MEI4: variants seen among roughly 807,000 people sequenced by gnomAD.
MEI4 encodes meiotic double-stranded break formation protein 4.
MEI4 carries 27 observed loss-of-function variants against 31.4 expected under a neutral mutation model. The observed-to-expected ratio is 0.86, with a 90% CI of 0.63 to 1.19. The LOEUF is 1.19. Among genes scored for constraint, MEI4 ranks in the 50% most tolerant of loss-of-function variants. The pLI, the probability that MEI4 is intolerant of heterozygous loss-of-function variation, is 0.00. For synonymous variants in MEI4, 122 were observed against 145.4 expected (o/e 0.84, Z 1.16); for missense variants, 329 against 398.9 (o/e 0.82, Z 1.49).
At chr6:77,883,495 A>C (rs1267819518) in intron 4 of MEI4, among the ~76,000 whole-genome samples, 1 of 150,692 alleles carries the variant, frequency 6.6e-6, no homozygotes, top group Non-Finnish European at 1.5e-5. Context: ...TCTAATCTCT[A>C]CCCTCATGAG....
intron 2 of MEI4, among the ~76,000 whole-genome samples, chr6:77,746,228 G>A (rs547363602): frequency 6.6e-6 from 1 of 152,268 alleles, no homozygotes; most frequent in African/African-American, 2.4e-5. Context: ...CCGCTAGCAA[G>A]ACTAATAAAG....
rs190917552 is a variant in MEI4 at position 77,776,986 on chromosome 6, A to G, written c.768+15321A>G. Reference sequence around the variant, plus strand: ...TCCAGGTGAGAGTGGATAGTGGCTTATTTTGGTGCTGTAAGTAGAAATGGA... The same window carrying G: ...TCCAGGTGAGAGTGGATAGTGGCTTGTTTTGGTGCTGTAAGTAGAAATGGA... On this transcript the variant is annotated intron_variant, in intron 3 of 4. Transcript: ENST00000684080. Among the ~76,000 whole-genome samples, 440 of 152,292 alleles carry G rather than the reference A, an allele frequency of 2.9e-3. 5 individuals are homozygous for G. The highest frequency in any genetic ancestry group is 0.024 in the Middle Eastern group (7 of 294).
chr6:77,742,008 C>A (rs1378171393), intron 2 of MEI4, among the ~76,000 whole-genome samples: 1 of 151,896 alleles, frequency 6.6e-6, no homozygotes, highest in Non-Finnish European at 1.5e-5. Flanking sequence ...TTTTCTTGAT[C>A]CAGTCTATCA....
chr6:77,657,239 C>T (rs1768413328), intron 1 of MEI4, among the ~76,000 whole-genome samples: 1 of 152,110 alleles, frequency 6.6e-6, no homozygotes, highest in Non-Finnish European at 1.5e-5. Context: ...GATTAAAAAG[C>T]TGAAGTTCAG....
chr6:77,843,669 G>T (rs1770414821), intron 4 of MEI4, among the ~76,000 whole-genome samples: 1 of 152,006 alleles, frequency 6.6e-6, no homozygotes, highest in African/African-American at 2.4e-5. Context: ...CATAAATCAT[G>T]ATATACTTGT....
chr6:77,865,065 A>G (rs1260648283), intron 4 of MEI4, among the ~76,000 whole-genome samples: 7 of 152,134 alleles, frequency 4.6e-5, no homozygotes, highest in South Asian at 2.1e-4. Flanking sequence ...CAGAATCTCT[A>G]GGACACATTC....
chr6:77,839,461 A>G (rs541151226), intron 4 of MEI4, among the ~76,000 whole-genome samples: 4 of 152,238 alleles, frequency 2.6e-5, no homozygotes, highest in East Asian at 3.9e-4. Flanking sequence ...CCTTAATTCT[A>G]TGTAGGAAGG....
chr6:77,868,729 A>C (rs1771124775), intron 4 of MEI4, among the ~76,000 whole-genome samples: 2 of 151,812 alleles, frequency 1.3e-5, no homozygotes, highest in Non-Finnish European at 2.9e-5. Flanking sequence ...TTTAAAAAGA[A>C]AGAGAAAGCT....
intron 3 of MEI4, among the ~76,000 whole-genome samples, chr6:77,825,607 C>A (rs73461123): frequency 2.0e-5 from 3 of 152,038 alleles, no homozygotes; most frequent in Non-Finnish European, 2.9e-5. Flanking sequence ...TAGCTTAAAT[C>A]GGGATAAGTG....
At chr6:77,768,058 T>C (rs1049834648) in intron 3 of MEI4, among the ~76,000 whole-genome samples, 25 of 152,198 alleles carry the variant, frequency 1.6e-4, no homozygotes, top group Admixed American at 5.2e-4. Flanking sequence ...CAACTCTGTG[T>C]CATGGTTGTT....
rs572695247 is a variant in MEI4, at chr6:77,741,858, G to C, written c.233-19272G>C. Among the ~76,000 whole-genome samples the C allele has an allele frequency of 1.4e-3, 204 of 146,052 alleles. 1 individual carries two copies. The highest frequency in any genetic ancestry group is 4.5e-3 in the African/African-American group (179 of 39,384). On this transcript the variant is annotated intron_variant, in intron 2 of 4. Transcript: ENST00000684080. ...TTGTTCAATTCCCACCTATGAGTGAGAACATGCGGTGTTTGGTTTTTTGTC... is the reference window on the plus strand; with the variant it reads ...TTGTTCAATTCCCACCTATGAGTGACAACATGCGGTGTTTGGTTTTTTGTC...
chr6:77,713,939 A>T lies in MEI4; in HGVS notation c.232+23036A>T, dbSNP rs147009516. Among the ~76,000 whole-genome samples, 213 of 152,202 alleles carry T rather than the reference A, an allele frequency of 1.4e-3. 1 individual carries two copies. The highest frequency in any genetic ancestry group is 4.5e-3 in the African/African-American group (187 of 41,538). On this transcript the variant is annotated intron_variant, in intron 2 of 4. Coordinates refer to ENST00000684080, the MANE Select transcript of MEI4 (RefSeq NM_001322247.2). ...CTGTCACAGTTAAGATCATGTCTTA[A>T]GTGTTCCCATCATTTAGCTCCTACT...
chr6:77,699,117 A>G, intron 2 of MEI4, among the ~76,000 whole-genome samples: 1 of 151,342 alleles, frequency 6.6e-6, no homozygotes, highest in East Asian at 1.9e-4. Context: ...CTTCAGCTCC[A>G]TTAGCTCCTT....
At chr6:77,869,354 G>A (rs1220246323) in intron 4 of MEI4, among the ~76,000 whole-genome samples, 1 of 152,072 alleles carries the variant, frequency 6.6e-6, no homozygotes. Context: ...TATAGAATGT[G>A]ATCATATTTA....
chr6:77,799,152 C>T (rs374193341), intron 3 of MEI4, among the ~76,000 whole-genome samples: 3 of 152,054 alleles, frequency 2.0e-5, no homozygotes, highest in Non-Finnish European at 4.4e-5. Flanking sequence ...TCTCCAGCAC[C>T]TGTTGTTTCC....
chr6:77,748,267 C>G (rs1350377130), intron 2 of MEI4, among the ~76,000 whole-genome samples: 1 of 152,342 alleles, frequency 6.6e-6, no homozygotes, highest in South Asian at 2.1e-4. Flanking sequence ...AGGCCTCTCC[C>G]CCTGCAGCAG....
chr6:77,873,825 C>T (rs1323138344), intron 4 of MEI4, among the ~76,000 whole-genome samples: 1 of 152,162 alleles, frequency 6.6e-6, no homozygotes, highest in African/African-American at 2.4e-5. Flanking sequence ...CTACATATGG[C>T]TAGCCAGTTT....
chr6:77,903,080 A>G (rs558813621), intron 4 of MEI4, among the ~76,000 whole-genome samples: 2 of 152,188 alleles, frequency 1.3e-5, no homozygotes, highest in East Asian at 3.9e-4. Flanking sequence ...ATAAGATTAT[A>G]TTGTCTACAA....
At chr6:77,747,500 C>A (rs916021577) in intron 2 of MEI4, among the ~76,000 whole-genome samples, 1 of 151,946 alleles carries the variant, frequency 6.6e-6, no homozygotes, top group Non-Finnish European at 1.5e-5. Flanking sequence ...GGGGAAGAGC[C>A]CCTTATAAAA....
Sources: gnomAD v4.1 joint callset for allele counts (sites outside exome capture counted in the v4.1 genomes callset) on GRCh38, gnomAD v4.1.1 for gene constraint, MANE v1.5 for transcripts, NCBI Gene and HGNC (gene_info 2026-07-23, HGNC 2026-07-21) for gene names.